OSBPL8: variants seen among roughly 807,000 people sequenced by gnomAD.
The protein encoded by OSBPL8 is oxysterol-binding protein-related protein 8.
Under a neutral mutation model 125.5 loss-of-function variants are expected in OSBPL8, and 59 were observed. That is an observed-to-expected ratio of 0.47 (90% CI 0.38 to 0.58). The LOEUF is 0.58. Among genes scored for constraint, OSBPL8 ranks in the 20% least tolerant of loss-of-function variants. OSBPL8 has a pLI of 0.00. For synonymous variants in OSBPL8, 330 were observed against 338.9 expected (o/e 0.97, Z 0.29); for missense variants, 758 against 1,047.8 (o/e 0.72, Z 3.82).
Position 76,384,326 on chromosome 12 carries a change from C to A in OSBPL8, c.1558G>T (p.Ala520Ser). 6.4e-7 allele frequency: 1 copy of A among 1,555,912 alleles called. No individual in the cohort carries two copies. The change falls in exon 15 of 24, where the codon GCC becomes TCC. Residue 520 changes from alanine (A) to serine (S), a missense_variant. By Grantham distance (99) the Ala-to-Ser change is moderately conservative (BLOSUM62 1). Transcript: ENST00000261183. The stretch of plus-strand genomic sequence containing the variant: ...TCTTTTCGATTACTAACATAAAAGG[C>A]AGATATTGGTGGATGATGGGACACC... ...EQVSHHPPISAFYVSNRKDGF... is the reference protein window; with the variant it reads ...EQVSHHPPISSFYVSNRKDGF...
At chr12:76,412,379 G>A (rs181756732) in intron 4 of OSBPL8, among the ~76,000 whole-genome samples, 230 of 152,192 alleles carry the variant, frequency 1.5e-3, no homozygotes, top group African/African-American at 5.2e-3. Context: ...GTGTCTATAC[G>A]TAACTAAAAA....
chr12:76,483,398 C>G (rs1386330570), intron 2 of OSBPL8, among the ~76,000 whole-genome samples: 3 of 151,578 alleles, frequency 2.0e-5, no homozygotes, highest in Non-Finnish European at 4.4e-5. Flanking sequence ...CCCGTCTCTA[C>G]TAAAAATACA....
chr12:76,539,165 A>C (rs1394399755), intron 1 of OSBPL8, among the ~76,000 whole-genome samples: 1 of 151,890 alleles, frequency 6.6e-6, no homozygotes, highest in African/African-American at 2.4e-5. Context: ...GAAAAAAAAA[A>C]GACAGATATC....
chr12:76,541,579 T>C (rs1403581476), intron 1 of OSBPL8, among the ~76,000 whole-genome samples: 3 of 152,238 alleles, frequency 2.0e-5, no homozygotes, highest in East Asian at 3.9e-4. Context: ...CATAGGCCAG[T>C]TGAGGTGGCT....
chr12:76,431,009 T>G (rs1870749816), intron 4 of OSBPL8, among the ~76,000 whole-genome samples: 1 of 152,154 alleles, frequency 6.6e-6, no homozygotes, highest in African/African-American at 2.4e-5. Context: ...TAAATCACTT[T>G]TATTACTAGT....
chr12:76,388,597 AAAC>A (rs765016159), intron 12 of OSBPL8, among the ~76,000 whole-genome samples: 4 of 152,242 alleles, frequency 2.6e-5, no homozygotes, highest in African/African-American at 7.2e-5. Context: ...TGTGGTGGAT[AAAC>A]AACAATAACT....
chr12:76,399,489 T>C (rs981359346), intron 7 of OSBPL8, among the ~76,000 whole-genome samples: 1 of 152,238 alleles, frequency 6.6e-6, no homozygotes, highest in African/African-American at 2.4e-5. Context: ...CTGATTATTT[T>C]AAAATAGCTT....
At chr12:76,372,485 C>A (rs1451490243) in intron 18 of OSBPL8, among the ~76,000 whole-genome samples, 1 of 152,114 alleles carries the variant, frequency 6.6e-6, no homozygotes, top group Non-Finnish European at 1.5e-5. Flanking sequence ...CCCACCCAGA[C>A]AGAAATTTCA....
intron 2 of OSBPL8, among the ~76,000 whole-genome samples, chr12:76,480,616 A>C (rs1877368054): frequency 6.6e-6 from 1 of 152,230 alleles, no homozygotes; most frequent in African/African-American, 2.4e-5. Context: ...TAAAATCTTC[A>C]CAGTTATTTT....
At chr12:76,506,773 AAG>A (rs1469246533) in intron 1 of OSBPL8, among the ~76,000 whole-genome samples, 26 of 152,344 alleles carry the variant, frequency 1.7e-4, no homozygotes, top group Admixed American at 3.9e-4. Flanking sequence ...TGGGGGCTTA[AAG>A]TATAAGTACA....
intron 1 of OSBPL8, among the ~76,000 whole-genome samples, chr12:76,496,971 G>A (rs142265843): frequency 3.3e-5 from 5 of 152,244 alleles, no homozygotes; most frequent in African/African-American, 9.6e-5. Flanking sequence ...GAGCCACCAC[G>A]CCTGGCCCCA....
At chr12:76,369,973 T>A in intron 19 of OSBPL8, 151 bp from the exon 20 acceptor site, 1 of 721,136 alleles carries the variant, frequency 1.4e-6, no homozygotes, top group Non-Finnish European at 2.2e-6. Context: ...TAGAAATGAG[T>A]CAAGATATAA....
intron 13 of OSBPL8, 107 bp from the exon 14 acceptor site, chr12:76,386,373 T>TA: frequency 7.1e-7 from 1 of 1,405,750 alleles, no homozygotes; most frequent in Non-Finnish European, 9.4e-7. Flanking sequence ...ACCGTCCTTA[T>TA]AAAATTTCAA....
chr12:76,448,452 G>A (rs539351268), intron 4 of OSBPL8, among the ~76,000 whole-genome samples: 19 of 151,518 alleles, frequency 1.3e-4, no homozygotes, highest in Middle Eastern at 3.4e-3. Flanking sequence ...GATGCACAGT[G>A]CAAAAAAAAA....
chr12:76,367,481 G>A (rs906723469), intron 21 of OSBPL8, among the ~76,000 whole-genome samples: 1 of 152,026 alleles, frequency 6.6e-6, no homozygotes, highest in East Asian at 1.9e-4. Flanking sequence ...CTTGTACACA[G>A]CAAATAGTTG....
At chr12:76,439,343 C>A (rs752701755) in intron 4 of OSBPL8, among the ~76,000 whole-genome samples, 10 of 151,720 alleles carry the variant, frequency 6.6e-5, no homozygotes, top group Non-Finnish European at 1.2e-4. Flanking sequence ...CATGCCACTG[C>A]ATTCCAGCCT....
intron 2 of OSBPL8, among the ~76,000 whole-genome samples, chr12:76,474,298 A>G (rs1340895631): frequency 2.6e-5 from 4 of 152,222 alleles, no homozygotes; most frequent in Admixed American, 2.0e-4. Flanking sequence ...ACCTCAACTT[A>G]GTAGGTTTTC....
chr12:76,517,439 A>G (rs1881657006), intron 1 of OSBPL8, among the ~76,000 whole-genome samples: 1 of 152,174 alleles, frequency 6.6e-6, no homozygotes, highest in African/African-American at 2.4e-5. Flanking sequence ...TTAAACATAA[A>G]TGTTTATTAA....
At chr12:76,500,468 C>T (rs879759917) in intron 1 of OSBPL8, among the ~76,000 whole-genome samples, 1 of 152,146 alleles carries the variant, frequency 6.6e-6, no homozygotes, top group Admixed American at 6.5e-5. Flanking sequence ...TCTTGAACTT[C>T]CAAAGTTCAT....
Sources: gnomAD v4.1 joint callset for allele counts (sites outside exome capture counted in the v4.1 genomes callset) on GRCh38, gnomAD v4.1.1 for gene constraint, MANE v1.5 for transcripts, NCBI Gene and HGNC (gene_info 2026-07-23, HGNC 2026-07-21) for gene names.